Variants in NETO2 observed in about 807,000 individuals in gnomAD.
NETO2 encodes the protein neuropilin and tolloid-like protein 2.
In NETO2, 28 loss-of-function variants were observed where a neutral mutation model predicts 62.5. The ratio of observed to expected loss-of-function variants is 0.45; its 90% CI spans 0.33 to 0.61. The LOEUF (loss-of-function observed/expected upper bound fraction) is 0.61. NETO2 is among the 20% of genes least tolerant of loss of function. NETO2 has a pLI of 0.02. For synonymous variants in NETO2, 214 were observed against 219.1 expected (o/e 0.98, Z 0.21); for missense variants, 548 against 643.2 (o/e 0.85, Z 1.60).
intron 7 of NETO2, among the ~76,000 whole-genome samples, chr16:47,093,499 C>T (rs1489932653): frequency 1.3e-5 from 2 of 152,144 alleles, no homozygotes; most frequent in Admixed American, 6.6e-5. Context: ...CCTTACCTAA[C>T]TGACTGGAAA....
In NETO2 at chr16:47,101,750, G is replaced by A. The variant is rs553422255; in HGVS notation, c.883+7733C>T. Among the ~76,000 whole-genome samples, 5 of 152,238 alleles carry A rather than the reference G, an allele frequency of 3.3e-5. No individual in the cohort carries two copies. The South Asian group carries it at 1.0e-3, about 32-fold the overall frequency. On this transcript the variant is annotated intron_variant, in intron 7 of 8. Transcript: ENST00000562435. ...GGGATGTGAAGGACCACTTCAAGGAGAACTACAAACCACTGCTCAAGGAAA... is the reference window on the plus strand; with the variant it reads ...GGGATGTGAAGGACCACTTCAAGGAAAACTACAAACCACTGCTCAAGGAAA...
In NETO2 at chr16:47,109,722, A is replaced by G; in HGVS notation, c.655-11T>C. 1 of 1,518,494 alleles carries G rather than the reference A, an allele frequency of 6.6e-7. No homozygotes were observed. Among genetic ancestry groups the G allele is most frequent in the Non-Finnish European group, 9.1e-7 (1 of 1,095,308 alleles). The allele number at this position is 1,518,494 out of a possible 1,614,324, so 94.1% of individuals were successfully genotyped here. ...GAACCTCAAATAAATCTGTAATATTAACACAAAAACACTGCTTTTAAAAAG... is the reference window on the plus strand; with the variant it reads ...GAACCTCAAATAAATCTGTAATATTGACACAAAAACACTGCTTTTAAAAAG... On this transcript the variant is annotated splice_polypyrimidine_tract_variant and intron_variant, in intron 6 of 8. Coordinates refer to ENST00000562435, the MANE Select transcript of NETO2 (RefSeq NM_018092.5).
At chr16:47,129,111 T>C (rs1357446353) in intron 3 of NETO2, 113 bp downstream of exon 3, 4 of 974,630 alleles carry the variant, frequency 4.1e-6, no homozygotes, top group Non-Finnish European at 3.1e-6. Flanking sequence ...TACAGTTTAA[T>C]TCAAATACAT....
Position 47,109,394 on chromosome 16 carries a change from A to G in NETO2, c.883+89T>C. ...AAAACAAAAAAAAACATCCTAAAAT[A>G]AATATTTTAAAAAAGTAAATGCTGA... On this transcript the variant is annotated intron_variant, in intron 7 of 8. Coordinates refer to ENST00000562435, the MANE Select transcript of NETO2 (RefSeq NM_018092.5). 3 of 727,732 alleles carry G rather than the reference A, an allele frequency of 4.1e-6. No individual in the cohort carries two copies. The African/African-American group carries it at 5.4e-5, about 13-fold the overall frequency. 45.1% of individuals were successfully genotyped at this position (727,732 alleles called of 1,614,324 possible). A position where few individuals can be genotyped will look rare whatever the true frequency, so the allele number is the denominator to read the frequency against.
intron 6 of NETO2, among the ~76,000 whole-genome samples, chr16:47,120,687 T>C (rs576023771): frequency 9.2e-5 from 14 of 152,376 alleles, no homozygotes; most frequent in Non-Finnish European, 1.3e-4. Context: ...CTTAACACTA[T>C]GAAGACATTA....
intron 6 of NETO2, among the ~76,000 whole-genome samples, chr16:47,115,732 C>CATATATATATATATATATATAT (rs1390345855): frequency 1.5e-5 from 2 of 134,492 alleles, no homozygotes; most frequent in African/African-American, 6.4e-5. Flanking sequence ...TATATATATA[C>CATATATATATATATATATATAT]ATGTATATAT....
intron 8 of NETO2, among the ~76,000 whole-genome samples, chr16:47,085,442 C>T (rs995667549): frequency 9.2e-5 from 14 of 151,738 alleles, no homozygotes; most frequent in South Asian, 2.1e-4. Context: ...AGTGCAATGG[C>T]GCAATCTCGG....
intron 1 of NETO2, among the ~76,000 whole-genome samples, chr16:47,138,427 C>T (rs1596753350): frequency 6.6e-6 from 1 of 152,136 alleles, no homozygotes; most frequent in East Asian, 1.9e-4. Context: ...AACACTTGCC[C>T]ATAATCTACA....
chr16:47,102,756 C>A (rs60237214), intron 7 of NETO2, among the ~76,000 whole-genome samples: 1 of 152,078 alleles, frequency 6.6e-6, no homozygotes, highest in African/African-American at 2.4e-5. Flanking sequence ...CATCTCACAC[C>A]AGTTAGAATG....
intron 1 of NETO2, among the ~76,000 whole-genome samples, chr16:47,141,680 A>T (rs935863821): frequency 6.6e-6 from 1 of 152,232 alleles, no homozygotes; most frequent in Admixed American, 6.5e-5. Flanking sequence ...GCCGCCACCA[A>T]TAGCAGCAAC....
At chr16:47,109,373 C>CAA in intron 7 of NETO2, 110 bp downstream of exon 7, 1 of 539,778 alleles carries the variant, frequency 1.9e-6, no homozygotes. Flanking sequence ...TGTAGTAAAA[C>CAA]AAAAAAAAAC....
rs1963072887 is a variant in NETO2, at chr16:47,082,065, A to AGTCTAAAAAAC, written c.*1155_*1156insGTTTTTTAGAC. The AGTCTAAAAAAC allele has an allele frequency of 6.6e-6, 1 of 150,988 alleles. No individual in the cohort carries two copies. The highest frequency in any genetic ancestry group is 2.4e-5 in the African/African-American group (1 of 41,400). The allele number at this position is 150,988 out of a possible 1,614,324, so 9.4% of individuals were successfully genotyped here. A position where few individuals can be genotyped will look rare whatever the true frequency, so the allele number is the denominator to read the frequency against. On this transcript the variant is annotated 3_prime_UTR_variant, in exon 9 of 9. Transcript: ENST00000562435. The stretch of plus-strand genomic sequence containing the variant: ...GTTTGTACAGTATCAAATAATATCA[A>AGTCTAAAAAAC]AAGTCTAAAAAACACAATGAGCTTT...
intron 1 of NETO2, 123 bp downstream of exon 1, chr16:47,143,456 C>G: frequency 2.6e-6 from 3 of 1,133,320 alleles, no homozygotes; most frequent in Non-Finnish European, 3.3e-6. Context: ...GCCGCGAGCC[C>G]CGCCAGACAA....
chr16:47,113,536 C>T (rs909525617), intron 6 of NETO2, among the ~76,000 whole-genome samples: 1 of 149,780 alleles, frequency 6.7e-6, no homozygotes, highest in Non-Finnish European at 1.5e-5. Context: ...TAGTTTATCC[C>T]TTTTTATTGT....
At position 47,083,024 on chromosome 16, in the gene NETO2, T is replaced by C. The variant is rs912152958; in HGVS notation, c.*197A>G. On this transcript the variant is annotated 3_prime_UTR_variant, in exon 9 of 9. Transcript: ENST00000562435. ...AGAGATGATTATTGTTTCCACTGAA[T>C]AGAGTAAGTTCCTTGATTGGTTTAA... The C allele has an allele frequency of 2.9e-5, 15 of 518,066 alleles. No individual in the cohort carries two copies. Among genetic ancestry groups the C allele is most frequent in the African/African-American group, 2.9e-4 (15 of 52,476 alleles). The allele number at this position is 518,066 out of a possible 1,614,324, so 32.1% of individuals were successfully genotyped here. A position where few individuals can be genotyped will look rare whatever the true frequency, so the allele number is the denominator to read the frequency against.
At chr16:47,128,732 A>AT (rs1964207315) in intron 3 of NETO2, among the ~76,000 whole-genome samples, 159 bp from the exon 4 acceptor site, 2 of 152,258 alleles carry the variant, frequency 1.3e-5, no homozygotes. Flanking sequence ...TGTATCTTAC[A>AT]TTAAAAATAA....
Position 47,128,409 on chromosome 16 carries a change from T to C in NETO2, c.397A>G (p.Thr133Ala). The C allele has an allele frequency of 3.7e-6, 6 of 1,614,160 alleles. No individual in the cohort carries two copies. The highest frequency in any genetic ancestry group is 5.1e-6 in the Non-Finnish European group (6 of 1,180,014). Residue 133 changes from threonine (T) to alanine (A), a missense_variant, in exon 4 of 9, where the codon ACA (threonine) becomes GCA (alanine). Physicochemically the swap from Thr to Ala is moderately conservative, Grantham distance 58. Coordinates refer to ENST00000562435, the MANE Select transcript of NETO2 (RefSeq NM_018092.5). Reference protein sequence around the residue: ...GVKSPPLIRSTGRFMWIKFSS... With the variant: ...GVKSPPLIRSAGRFMWIKFSS... ...AACTTAATCCACATGAATCTCCCTG[T>C]TGATCTAATTAATGGAGGGCTTTTC... is the stretch of plus-strand genomic sequence containing the variant.
chr16:47,130,495 G>C (rs950512043), intron 2 of NETO2, among the ~76,000 whole-genome samples: 1 of 151,438 alleles, frequency 6.6e-6, no homozygotes, highest in Non-Finnish European at 1.5e-5. Flanking sequence ...CAACTCTGAG[G>C]AGATAAAGAC....
At chr16:47,113,474 G>T (rs1315549199) in intron 6 of NETO2, among the ~76,000 whole-genome samples, 2 of 151,720 alleles carry the variant, frequency 1.3e-5, no homozygotes, top group South Asian at 2.1e-4. Context: ...TATCCTTTGA[G>T]TCTAGCTCAT....
Sources: gnomAD v4.1 joint callset for allele counts (sites outside exome capture counted in the v4.1 genomes callset) on GRCh38, gnomAD v4.1.1 for gene constraint, MANE v1.5 for transcripts, NCBI Gene and HGNC (gene_info 2026-07-23, HGNC 2026-07-21) for gene names.